Variants in SMIM27 observed in about 807,000 individuals in gnomAD.
SMIM27 encodes transition zone microprotein 1.
SMIM27 carries 3 observed loss-of-function variants against 1.8 expected under a neutral mutation model. The ratio of observed to expected loss-of-function variants is 1.65; its 90% CI spans 0.75 to 4.28. SMIM27 has a LOEUF of 4.28. Among genes scored for constraint, SMIM27 ranks in the 30% most tolerant of loss-of-function variants. The probability of loss-of-function intolerance (pLI) is 0.02; values close to 1 mark genes in which losing one functional copy is unlikely to be tolerated. For synonymous variants in SMIM27, 19 were observed against 13.9 expected (o/e 1.37, Z -0.82); for missense variants, 63 against 37.0 (o/e 1.70, Z -1.83).
Position 32,552,444 on chromosome 9 carries a change from G to GTAAGTCGTCGCACGC in SMIM27, c.12_26dup (p.Ser5_Leu9dup), listed in dbSNP as rs756506840. The GTAAGTCGTCGCACGC allele has an allele frequency of 6.2e-7, 1 of 1,606,918 alleles. No individual in the cohort carries two copies. Among genetic ancestry groups the GTAAGTCGTCGCACGC allele is most frequent in the African/African-American group, 1.3e-5 (1 of 74,868 alleles). On this transcript the variant is annotated inframe_insertion, in exon 1 of 2. Coordinates refer to ENST00000692500, the MANE Select transcript of SMIM27 (RefSeq NM_001387564.1). ...CTGCCGCCTCCTTACCATGAAGCCAGTAAGTCGTCGCACGCTGGACTGGAT... is the reference window on the plus strand; with the variant it reads ...CTGCCGCCTCCTTACCATGAAGCCAGTAAGTCGTCGCACGCTAAGTCGTCGCACGCTGGACTGGAT...
downstream of SMIM27, among the ~76,000 whole-genome samples, chr9:32,557,705 C>T (rs1821506838): frequency 6.6e-6 from 1 of 151,980 alleles, no homozygotes; most frequent in Non-Finnish European, 1.5e-5. Flanking sequence ...TCTCGAAGTT[C>T]TGACCTTGTG....
At chr9:32,562,232 A>T (rs1173620633) in intron 1 of SMIM27, among the ~76,000 whole-genome samples, 4 of 152,162 alleles carry the variant, frequency 2.6e-5, no homozygotes, top group Non-Finnish European at 5.9e-5. Context: ...TTTACTATAA[A>T]GTCTTTGAGG....
At chr9:32,551,754 G>C (rs1393870589), upstream of SMIM27, 4 of 441,936 alleles carry the variant, frequency 9.1e-6, no homozygotes, top group Admixed American at 4.8e-5. Context: ...GGCAGTTCAA[G>C]AACATCAGAC....
Position 32,552,873 on chromosome 9 carries a change from C to T in SMIM27, c.118C>T (p.Leu40=). The T allele has an allele frequency of 2.8e-6, 2 of 702,624 alleles. No individual in the cohort carries two copies. The highest frequency in any genetic ancestry group is 5.2e-6 in the Non-Finnish European group (2 of 384,804). 43.5% of individuals were successfully genotyped at this position (702,624 alleles called of 1,614,324 possible). The change falls in exon 2 of 2, where the codon CTA becomes TTA. Residue 40 remains leucine, a synonymous_variant. Transcript: ENST00000692500. ...YASMVSARRQ[L]RKKYPDKIFG... ...TTCGATGGTGTCTGCAAGACGACAG[C>T]TAAGGAAGAAATACCCAGACAAAAT... is the stretch of plus-strand genomic sequence containing the variant.
At chr9:32,552,509 G>A (rs1230370991) in intron 1 of SMIM27, 30 bp downstream of exon 1, 9 of 1,566,832 alleles carry the variant, frequency 5.7e-6, no homozygotes, top group Non-Finnish European at 7.8e-6. Context: ...GGCCCCCACC[G>A]TGTCGACTCA....
chr9:32,551,993 G>C (rs1401676909), upstream of SMIM27, among the ~76,000 whole-genome samples: 1 of 152,040 alleles, frequency 6.6e-6, no homozygotes, highest in African/African-American at 2.4e-5. Context: ...GGGGAGGCGT[G>C]GGGGAGGGAG....
At chr9:32,562,843 T>G (rs60180511) in intron 1 of SMIM27, among the ~76,000 whole-genome samples, 8,879 of 152,266 alleles carry the variant, frequency 0.058, 683 homozygotes, top group East Asian at 0.22. Context: ...CCATTGACTG[T>G]GCAGGCTCTT....
chr9:32,560,717 CAG>C (rs1220757465), intron 1 of SMIM27, among the ~76,000 whole-genome samples: 2 of 152,030 alleles, frequency 1.3e-5, no homozygotes, highest in African/African-American at 4.8e-5. Context: ...AAATATTTAA[CAG>C]AATTTAGCTA....
At chr9:32,558,724 T>C (rs1396898621) in intron 1 of SMIM27, among the ~76,000 whole-genome samples, 1 of 152,100 alleles carries the variant, frequency 6.6e-6, no homozygotes, top group Non-Finnish European at 1.5e-5. Flanking sequence ...ACTGTAATTG[T>C]TACCTCACGG....
At chr9:32,566,140 T>C (rs1321515150) in intron 1 of SMIM27, 4 of 651,782 alleles carry the variant, frequency 6.1e-6, no homozygotes, top group South Asian at 1.8e-5. Flanking sequence ...GAATATGGTG[T>C]GTATATGTCA....
chr9:32,553,626 A>C (rs1821367507), downstream of SMIM27: 1 of 440,658 alleles, frequency 2.3e-6, no homozygotes, highest in Admixed American at 3.9e-5. Context: ...CATGTAACTA[A>C]ATACTTTTCC....
intron 1 of SMIM27, chr9:32,566,086 C>G: frequency 2.4e-6 from 1 of 414,020 alleles, no homozygotes. Context: ...AAAAAAAAGG[C>G]ACCTGTTAAA....
rs938693190 is a variant in SMIM27, at chr9:32,565,507, A to G, written c.46-884A>G. 5 of 152,356 alleles carry G rather than the reference A, an allele frequency of 3.3e-5. 1 individual carries two copies. Among genetic ancestry groups the G allele is most frequent in the Admixed American group, 3.3e-4 (5 of 15,306 alleles). The allele number at this position is 152,356 out of a possible 1,614,324, so 9.4% of individuals were successfully genotyped here. A position where few individuals can be genotyped will look rare whatever the true frequency, so the allele number is the denominator to read the frequency against. Reference sequence around the variant, plus strand: ...ACAAGAGTGGCTAACTTCAGCCATGACACCGTTTTAGTATGGTGACCACAC... The same window carrying G: ...ACAAGAGTGGCTAACTTCAGCCATGGCACCGTTTTAGTATGGTGACCACAC... On this transcript the variant is annotated intron_variant, in intron 1 of 1. Coordinates refer to the SMIM27 transcript ENST00000451672.
At chr9:32,554,486 C>A (rs2118995461), downstream of SMIM27, among the ~76,000 whole-genome samples, 1 of 152,292 alleles carries the variant, frequency 6.6e-6, no homozygotes, top group African/African-American at 2.4e-5. Flanking sequence ...CTTGGAACCT[C>A]CACTGACAAG....
intron 1 of SMIM27, among the ~76,000 whole-genome samples, chr9:32,562,147 C>T (rs1006591667): frequency 1.3e-5 from 2 of 152,206 alleles, no homozygotes; most frequent in Non-Finnish European, 2.9e-5. Flanking sequence ...TCATTACTGA[C>T]TCCATATGTT....
chr9:32,553,576 CA>C, downstream of SMIM27: 1 of 292,548 alleles, frequency 3.4e-6, no homozygotes. Flanking sequence ...ACCCTGATAC[CA>C]AATTAGTGTA....
intron 1 of SMIM27, chr9:32,566,091 G>T: frequency 2.3e-6 from 1 of 430,510 alleles, no homozygotes. Flanking sequence ...AAAGGCACCT[G>T]TTAAAATTAT....
chr9:32,562,415 T>C (rs1047794014), intron 1 of SMIM27, among the ~76,000 whole-genome samples: 1 of 152,014 alleles, frequency 6.6e-6, no homozygotes, highest in African/African-American at 2.4e-5. Context: ...TCAAAGAGAG[T>C]AAGTTATGTT....
At chr9:32,566,065 G>A (rs915798759) in intron 1 of SMIM27, 32 of 407,662 alleles carry the variant, frequency 7.8e-5, no homozygotes, top group Non-Finnish European at 1.2e-4. Flanking sequence ...AGCTACTGGA[G>A]TGACCAAAAA....
Sources: gnomAD v4.1 joint callset for allele counts (sites outside exome capture counted in the v4.1 genomes callset) on GRCh38, gnomAD v4.1.1 for gene constraint, MANE v1.5 for transcripts, NCBI Gene and HGNC (gene_info 2026-07-23, HGNC 2026-07-21) for gene names.